The following SOX5 variants were observed in gnomAD, a reference collection of about 807,000 sequenced individuals.
SOX5 encodes SRY-box transcription factor 5, also known as transcription factor SOX-5.
A neutral mutation model predicts 92.0 loss-of-function variants in SOX5; 9 were observed. The observed-to-expected ratio is 0.10, with a 90% confidence interval of 0.06 to 0.17. The LOEUF is 0.17. SOX5 is among the 10% of genes least tolerant of loss of function. The probability of loss-of-function intolerance (pLI) is 1.00; values close to 1 mark genes in which losing one functional copy is unlikely to be tolerated. For missense variants in SOX5, 642 were observed against 944.5 expected, an observed-to-expected ratio of 0.68 and a Z score of 4.20; for synonymous variants, 344 against 336.3, an observed-to-expected ratio of 1.02 and a Z score of -0.25.
intron 3 of SOX5, among the ~76,000 whole-genome samples, chr12:24,247,425 G>T (rs986791134): frequency 2.6e-5 from 4 of 152,038 alleles, no homozygotes; most frequent in African/African-American, 9.7e-5. Context: ...TGCAGCACAG[G>T]GTAGGTTTGG....
intron 4 of SOX5, among the ~76,000 whole-genome samples, chr12:23,742,807 C>T (rs1391723322): frequency 2.1e-4 from 32 of 152,116 alleles, no homozygotes; most frequent in Non-Finnish European, 1.5e-5. Context: ...GACTGGACAA[C>T]ATAGCAAGAC....
intron 1 of SOX5, among the ~76,000 whole-genome samples, chr12:23,898,774 C>T (rs925749616): frequency 2.6e-5 from 4 of 152,194 alleles, no homozygotes; most frequent in Non-Finnish European, 5.9e-5. Flanking sequence ...ATATTTCATA[C>T]TTATTTCAAT....
At chr12:24,166,460 T>C (rs1953418488) in intron 4 of SOX5, among the ~76,000 whole-genome samples, 1 of 152,134 alleles carries the variant, frequency 6.6e-6, no homozygotes, top group South Asian at 2.1e-4. Context: ...TCAGGAAATA[T>C]AGAGCAATAC....
intron 1 of SOX5, among the ~76,000 whole-genome samples, chr12:24,505,168 C>A (rs1384636420): frequency 6.6e-6 from 1 of 152,092 alleles, no homozygotes; most frequent in African/African-American, 2.4e-5. Context: ...TCATTTTTTT[C>A]TTTTAAGATT....
chr12:23,547,334 G>A (rs1239470347), intron 11 of SOX5, among the ~76,000 whole-genome samples: 1 of 151,998 alleles, frequency 6.6e-6, no homozygotes, highest in African/African-American at 2.4e-5. Flanking sequence ...TTTAAGAAAT[G>A]CATCCATTGG....
intron 8 of SOX5, among the ~76,000 whole-genome samples, chr12:23,617,525 TACTC>T (rs751988040): frequency 1.3e-5 from 2 of 152,200 alleles, no homozygotes; most frequent in East Asian, 1.9e-4. Flanking sequence ...AATTCAGTCT[TACTC>T]AGTGTGATAC....
intron 2 of SOX5, among the ~76,000 whole-genome samples, chr12:24,337,091 G>A (rs530266470): frequency 3.9e-5 from 6 of 152,242 alleles, no homozygotes; most frequent in Admixed American, 3.3e-4. Context: ...CAAGGAGACC[G>A]TCAAATTACC....
chr12:24,353,877 G>A (rs1386330742), intron 2 of SOX5, among the ~76,000 whole-genome samples: 3 of 151,968 alleles, frequency 2.0e-5, no homozygotes, highest in African/African-American at 7.3e-5. Context: ...CTGACCTCGT[G>A]ATCCACCTGC....
At chr12:24,456,875 C>T (rs2137419961) in intron 1 of SOX5, among the ~76,000 whole-genome samples, 1 of 152,296 alleles carries the variant, frequency 6.6e-6, no homozygotes, top group Non-Finnish European at 1.5e-5. Context: ...GATTAGCATT[C>T]ATGATTTCAT....
intron 1 of SOX5, among the ~76,000 whole-genome samples, chr12:24,392,268 G>A (rs1013942522): frequency 6.6e-6 from 1 of 152,088 alleles, no homozygotes; most frequent in African/African-American, 2.4e-5. Flanking sequence ...AGTAGCCACA[G>A]TAAGCTTTGC....
chr12:24,199,059 G>A (rs1161921628), intron 4 of SOX5, among the ~76,000 whole-genome samples: 1 of 152,096 alleles, frequency 6.6e-6, no homozygotes, highest in African/African-American at 2.4e-5. Flanking sequence ...TCATCCGAAT[G>A]GTGTGAAAGT....
At chr12:23,974,026 T>G (rs76591920) in intron 4 of SOX5, among the ~76,000 whole-genome samples, 2 of 148,608 alleles carry the variant, frequency 1.3e-5, no homozygotes, top group Non-Finnish European at 2.9e-5. Flanking sequence ...GTATATGCTG[T>G]TTTTTTTCCT....
At chr12:24,068,747 T>TATATATATAC (rs1405470591) in intron 4 of SOX5, among the ~76,000 whole-genome samples, 12 of 71,584 alleles carry the variant, frequency 1.7e-4, no homozygotes, top group East Asian at 3.9e-4. Context: ...TATATATATA[T>TATATATATAC]ACACACACAC....
At chr12:23,975,174 A>G (rs1948763766) in intron 4 of SOX5, among the ~76,000 whole-genome samples, 1 of 152,196 alleles carries the variant, frequency 6.6e-6, no homozygotes, top group African/African-American at 2.4e-5. Flanking sequence ...TATTCTATTT[A>G]AATGAAAAAA....
At chr12:23,952,728 G>T (rs1191877505), upstream of SOX5, among the ~76,000 whole-genome samples, 1 of 152,016 alleles carries the variant, frequency 6.6e-6, no homozygotes, top group Non-Finnish European at 1.5e-5. Flanking sequence ...TTGAACTAAT[G>T]GAACTCTAAG....
At chr12:23,878,768 TG>T (rs1209221602) in intron 2 of SOX5, among the ~76,000 whole-genome samples, 1 of 152,112 alleles carries the variant, frequency 6.6e-6, no homozygotes, top group Non-Finnish European at 1.5e-5. Context: ...TCTGCTTTGT[TG>T]GTAGAAAATA....
chr12:24,332,214 T>C (rs1290462382), intron 2 of SOX5, among the ~76,000 whole-genome samples: 3 of 152,082 alleles, frequency 2.0e-5, no homozygotes, highest in Non-Finnish European at 2.9e-5. Context: ...ATAACACTTA[T>C]AAAGAGGAGG....
chr12:23,872,088 CCCGGGTT>C, intron 2 of SOX5, among the ~76,000 whole-genome samples: 2 of 150,524 alleles, frequency 1.3e-5, no homozygotes, highest in Non-Finnish European at 3.0e-5. Flanking sequence ...AGCTCCGCCT[CCCGGGTT>C]CACGCCATTC....
At chr12:24,233,863 C>G (rs1963913210) in intron 3 of SOX5, among the ~76,000 whole-genome samples, 1 of 152,212 alleles carries the variant, frequency 6.6e-6, no homozygotes. Context: ...CTTCAACATG[C>G]TCGAGGATGA....
Sources: allele counts gnomAD v4.1 joint callset (sites outside exome capture counted in the v4.1 genomes callset), GRCh38; gene constraint gnomAD v4.1.1; transcripts MANE v1.5; gene names NCBI Gene and HGNC (gene_info 2026-07-23, HGNC 2026-07-21).